CSMD1: variants seen among roughly 807,000 people sequenced by gnomAD.
The protein encoded by CSMD1 is CUB and sushi domain-containing protein 1.
Under a neutral mutation model 417.5 loss-of-function variants are expected in CSMD1, and 213 were observed. That is an observed-to-expected ratio of 0.51 (90% confidence interval 0.46 to 0.57). CSMD1 has a LOEUF of 0.57. Among genes scored for constraint, CSMD1 ranks in the 20% least tolerant of loss-of-function variants. CSMD1 has a pLI of 0.00. For synonymous variants in CSMD1, 2,862 were observed against 1,736.8 expected (o/e 1.65, Z -16.11); for missense variants, 6,923 against 4,529.7 (o/e 1.53, Z -15.17).
At chr8:3,176,449 G>C (rs995609137) in intron 37 of CSMD1, among the ~76,000 whole-genome samples, 35 of 152,168 alleles carry the variant, frequency 2.3e-4, no homozygotes, top group Non-Finnish European at 4.0e-4. Flanking sequence ...CTTCTCCACA[G>C]TTAACCTAAA....
intron 11 of CSMD1, among the ~76,000 whole-genome samples, chr8:3,474,363 C>T (rs1817287783): frequency 6.6e-6 from 1 of 151,984 alleles, no homozygotes; most frequent in East Asian, 1.9e-4. Context: ...ATGTTTTTGA[C>T]CTCTCTCGGG....
At chr8:4,161,096 T>C (rs1285553121) in intron 3 of CSMD1, among the ~76,000 whole-genome samples, 1 of 146,750 alleles carries the variant, frequency 6.8e-6, no homozygotes, top group Non-Finnish European at 1.5e-5. Context: ...AGAGATACAT[T>C]TCCAGGAAAT....
intron 1 of CSMD1, among the ~76,000 whole-genome samples, chr8:4,687,711 G>C (rs1806480704): frequency 6.6e-6 from 1 of 152,138 alleles, no homozygotes; most frequent in Non-Finnish European, 1.5e-5. Context: ...AACAGAAAGA[G>C]TCACCTCCCC....
At chr8:3,635,334 C>T (rs1207899255) in intron 7 of CSMD1, among the ~76,000 whole-genome samples, 2 of 151,922 alleles carry the variant, frequency 1.3e-5, no homozygotes, top group African/African-American at 4.8e-5. Context: ...ATTAGCCAGG[C>T]AAAGTGGTGC....
At chr8:3,526,697 GC>G (rs1344140343) in intron 10 of CSMD1, among the ~76,000 whole-genome samples, 1 of 152,136 alleles carries the variant, frequency 6.6e-6, no homozygotes, top group African/African-American at 2.4e-5. Context: ...TGGCTTCAAA[GC>G]CAAAATTGTC....
intron 1 of CSMD1, among the ~76,000 whole-genome samples, chr8:4,933,498 T>C (rs5001126): frequency 0.32 from 48,044 of 152,104 alleles, 8,476 homozygotes; most frequent in Non-Finnish European, 0.41. Context: ...GGTAAGTAAA[T>C]GCCAGCAGTT....
chr8:4,669,457 T>G (rs1805155799), intron 1 of CSMD1, among the ~76,000 whole-genome samples: 1 of 152,186 alleles, frequency 6.6e-6, no homozygotes. Context: ...GAACAACTAC[T>G]TGGAACTCAG....
At position 3,571,281 on chromosome 8, in the gene CSMD1, G is replaced by A. The variant is rs141800685; in HGVS notation, c.1344+3664C>T. Reference sequence around the variant, plus strand: ...ACCTGTGAATTCTAAATGTGCCTCTGCCCATTCCATGGACTTGGATGGACA... The same window carrying A: ...ACCTGTGAATTCTAAATGTGCCTCTACCCATTCCATGGACTTGGATGGACA... On this transcript the variant is annotated intron_variant, in intron 10 of 69. Coordinates refer to ENST00000635120, the MANE Select transcript of CSMD1 (RefSeq NM_033225.6). Among the ~76,000 whole-genome samples the A allele has an allele frequency of 3.8e-3, 573 of 152,252 alleles. 2 individuals carry two copies. Among genetic ancestry groups the A allele is most frequent in the African/African-American group, 0.013 (546 of 41,552 alleles).
At chr8:3,574,242 G>C (rs1015110843) in intron 10 of CSMD1, among the ~76,000 whole-genome samples, 3 of 152,168 alleles carry the variant, frequency 2.0e-5, no homozygotes, top group Admixed American at 1.3e-4. Flanking sequence ...AGACAGAATT[G>C]TTTTTTATCT....
In CSMD1 at chr8:3,795,471, C is replaced by G. The variant is rs1481060896; in HGVS notation, c.819-41429G>C. 1.9e-4 allele frequency among the ~76,000 whole-genome samples: 2 copies of G among 10,440 alleles called. 1 individual carries two copies. Among genetic ancestry groups the G allele is most frequent in the African/African-American group, 7.3e-4 (2 of 2,746 alleles). 6.8% of individuals were successfully genotyped at this position (10,440 alleles called of 152,430 possible). ...ATCATAGATATAGATATATATCTAT[C>G]ATAGATATAGATATATATCTATCAT... On this transcript the variant is annotated intron_variant, in intron 5 of 69. Coordinates refer to ENST00000635120, the MANE Select transcript of CSMD1 (RefSeq NM_033225.6).
chr8:4,933,491 A>G (rs1163142353), intron 1 of CSMD1, among the ~76,000 whole-genome samples: 1 of 152,208 alleles, frequency 6.6e-6, no homozygotes, highest in African/African-American at 2.4e-5. Context: ...TGCAGAAGGT[A>G]AGTAAATGCC....
At chr8:3,909,403 G>C (rs1490249617) in intron 5 of CSMD1, among the ~76,000 whole-genome samples, 5 of 152,138 alleles carry the variant, frequency 3.3e-5, no homozygotes, top group Non-Finnish European at 7.3e-5. Flanking sequence ...CAGGAAAAAT[G>C]AGCTCAAGGG....
At chr8:4,581,688 G>T (rs1301648381) in intron 2 of CSMD1, among the ~76,000 whole-genome samples, 1 of 152,316 alleles carries the variant, frequency 6.6e-6, no homozygotes, top group East Asian at 1.9e-4. Flanking sequence ...CCCAGTTGGG[G>T]TCACATAAGC....
chr8:4,458,661 G>A (rs1374846933), intron 2 of CSMD1, among the ~76,000 whole-genome samples: 6 of 152,094 alleles, frequency 3.9e-5, no homozygotes, highest in Non-Finnish European at 8.8e-5. Context: ...ATTCTCAAAG[G>A]TCCTTGTCTG....
At chr8:4,947,371 T>G (rs1459613406) in intron 1 of CSMD1, among the ~76,000 whole-genome samples, 1 of 152,014 alleles carries the variant, frequency 6.6e-6, no homozygotes, top group Non-Finnish European at 1.5e-5. Context: ...CAGCACTAAT[T>G]AATGGGAAAT....
At chr8:3,252,774 T>A (rs1263334822) in intron 26 of CSMD1, among the ~76,000 whole-genome samples, 1 of 152,252 alleles carries the variant, frequency 6.6e-6, no homozygotes, top group East Asian at 1.9e-4. Context: ...TTCAACTTCT[T>A]CCTCGTTTAG....
At chr8:4,761,065 T>C (rs890267279) in intron 1 of CSMD1, among the ~76,000 whole-genome samples, 4 of 152,190 alleles carry the variant, frequency 2.6e-5, no homozygotes, top group African/African-American at 9.7e-5. Flanking sequence ...GAGTGATTAT[T>C]AGCAGAAGTA....
chr8:4,680,554 G>A (rs542131788), intron 1 of CSMD1, among the ~76,000 whole-genome samples: 1 of 152,100 alleles, frequency 6.6e-6, no homozygotes, highest in Non-Finnish European at 1.5e-5. Flanking sequence ...GAGCCAGCTT[G>A]ATAGGGGGCC....
intron 37 of CSMD1, among the ~76,000 whole-genome samples, 153 bp downstream of exon 37, chr8:3,180,957 G>A (rs747380624): frequency 6.6e-6 from 1 of 152,064 alleles, no homozygotes; most frequent in African/African-American, 2.4e-5. Flanking sequence ...GTATTTCGTA[G>A]AGCCAGATTT....
Sources: allele counts gnomAD v4.1 joint callset (sites outside exome capture counted in the v4.1 genomes callset), GRCh38; gene constraint gnomAD v4.1.1; transcripts MANE v1.5; gene names NCBI Gene and HGNC (gene_info 2026-07-23, HGNC 2026-07-21).